TBCK: variants seen among roughly 807,000 people sequenced by gnomAD.
TBCK encodes the protein TBC domain-containing protein kinase-like protein.
TBCK carries 99 observed loss-of-function variants against 113.4 expected under a neutral mutation model. The ratio of observed to expected loss-of-function variants is 0.87; its 90% confidence interval spans 0.74 to 1.03. The LOEUF (loss-of-function observed/expected upper bound fraction) is 1.03. Among genes scored for constraint, TBCK ranks in the 50% least tolerant of loss-of-function variants. The probability of loss-of-function intolerance (pLI) is 0.00; values close to 1 mark genes in which losing one functional copy is unlikely to be tolerated. For missense variants in TBCK, 1,045 were observed against 1,061.3 expected, an observed-to-expected ratio of 0.98 and a Z score of 0.21; for synonymous variants, 369 against 370.8, an observed-to-expected ratio of 1.00 and a Z score of 0.05.
intron 2 of TBCK, among the ~76,000 whole-genome samples, chr4:106,299,301 T>A (rs1433427989): frequency 6.6e-6 from 1 of 152,226 alleles, no homozygotes; most frequent in African/African-American, 2.4e-5. Context: ...GAAAATTACA[T>A]GCCCACGTTA....
intron 3 of TBCK, among the ~76,000 whole-genome samples, chr4:106,274,253 G>A (rs1042925922): frequency 1.3e-5 from 2 of 152,164 alleles, no homozygotes; most frequent in African/African-American, 4.8e-5. Context: ...ATTGCTAGTG[G>A]GATAGTAAGT....
intron 20 of TBCK, among the ~76,000 whole-genome samples, chr4:106,208,799 G>A (rs1755818422): frequency 6.6e-6 from 1 of 152,164 alleles, no homozygotes; most frequent in Admixed American, 6.5e-5. Context: ...TTGGGCTGTG[G>A]ATGTGAGACT....
chr4:106,236,850 G>A, intron 12 of TBCK, 42 bp from the exon 13 acceptor site: 1 of 1,160,246 alleles, frequency 8.6e-7, no homozygotes, highest in Non-Finnish European at 1.2e-6. Flanking sequence ...AAACATATTG[G>A]GCAGAAACCC....
chr4:106,176,666 T>C (rs1260044511), intron 22 of TBCK, among the ~76,000 whole-genome samples: 3 of 152,026 alleles, frequency 2.0e-5, no homozygotes, highest in Non-Finnish European at 4.4e-5. Context: ...CTCTGCGATA[T>C]CCTGATTTCC....
At chr4:106,154,039 A>C (rs1003335085) in intron 23 of TBCK, among the ~76,000 whole-genome samples, 1 of 152,038 alleles carries the variant, frequency 6.6e-6, no homozygotes, top group Non-Finnish European at 1.5e-5. Context: ...CTTTTCATTA[A>C]GGAGTTTATT....
At chr4:106,127,363 G>GTAA (rs1745354348) in intron 23 of TBCK, among the ~76,000 whole-genome samples, 1 of 152,014 alleles carries the variant, frequency 6.6e-6, no homozygotes, top group Admixed American at 6.6e-5. Context: ...ACATTTTGGG[G>GTAA]TAAACAAAGT....
At chr4:106,187,702 C>T (rs1753184770) in intron 22 of TBCK, among the ~76,000 whole-genome samples, 1 of 152,206 alleles carries the variant, frequency 6.6e-6, no homozygotes, top group Non-Finnish European at 1.5e-5. Context: ...GCATGAGCCA[C>T]TGTGCTCAGC....
chr4:106,083,378 T>C (rs2149494747), intron 25 of TBCK, among the ~76,000 whole-genome samples: 1 of 152,304 alleles, frequency 6.6e-6, no homozygotes, highest in East Asian at 1.9e-4. Context: ...GGGCGGGGCT[T>C]CCCTGAACAA....
At chr4:106,240,800 A>T (rs1438853219) in intron 12 of TBCK, among the ~76,000 whole-genome samples, 1 of 152,022 alleles carries the variant, frequency 6.6e-6, no homozygotes, top group Non-Finnish European at 1.5e-5. Flanking sequence ...AGAACAAAAA[A>T]TATGATGGAT....
intron 8 of TBCK, 141 bp from the exon 9 acceptor site, chr4:106,248,447 A>C: frequency 1.7e-6 from 1 of 582,070 alleles, no homozygotes; most frequent in Non-Finnish European, 2.9e-6. Context: ...CACTGTGAAA[A>C]AGCAAATACT....
chr4:106,198,543 A>G (rs1410894871), intron 20 of TBCK, among the ~76,000 whole-genome samples: 1 of 152,028 alleles, frequency 6.6e-6, no homozygotes, highest in East Asian at 1.9e-4. Context: ...AGATTTTTCC[A>G]AGCCTGCCTC....
chr4:106,249,119 G>T, intron 7 of TBCK, 137 bp from the exon 8 acceptor site: 1 of 534,358 alleles, frequency 1.9e-6, no homozygotes, highest in South Asian at 3.5e-5. Context: ...TTATCATTTT[G>T]TTAAATTTCT....
At chr4:106,072,511 C>A (rs1737596724) in intron 25 of TBCK, among the ~76,000 whole-genome samples, 1 of 152,180 alleles carries the variant, frequency 6.6e-6, no homozygotes, top group African/African-American at 2.4e-5. Flanking sequence ...CAATCTTTCT[C>A]TCTGGTGCCT....
intron 3 of TBCK, among the ~76,000 whole-genome samples, chr4:106,262,833 C>T (rs1762629486): frequency 6.6e-6 from 1 of 151,728 alleles, no homozygotes; most frequent in Non-Finnish European, 1.5e-5. Context: ...ATTTTTTTTC[C>T]AATTTGCAAG....
At chr4:106,186,575 G>A (rs1211431210) in intron 22 of TBCK, among the ~76,000 whole-genome samples, 2 of 152,006 alleles carry the variant, frequency 1.3e-5, no homozygotes, top group Non-Finnish European at 2.9e-5. Flanking sequence ...ATTTTTAAAG[G>A]GGTCATTTGT....
At chr4:106,243,706 T>C (rs1306309984) in intron 11 of TBCK, among the ~76,000 whole-genome samples, 1 of 152,172 alleles carries the variant, frequency 6.6e-6, no homozygotes, top group Admixed American at 6.5e-5. Context: ...TATTTTATTT[T>C]GAGACAGGGT....
chr4:106,177,120 C>T (rs1399738595), intron 22 of TBCK, among the ~76,000 whole-genome samples: 1 of 151,860 alleles, frequency 6.6e-6, no homozygotes, highest in Non-Finnish European at 1.5e-5. Flanking sequence ...TACAAGTATA[C>T]ACCATCACAT....
intron 22 of TBCK, among the ~76,000 whole-genome samples, chr4:106,193,120 T>C (rs1011651181): frequency 1.3e-5 from 2 of 152,180 alleles, no homozygotes; most frequent in East Asian, 1.9e-4. Flanking sequence ...TTCTCCTGCA[T>C]TGCATGACAT....
rs570130138 is a variant in TBCK, at chr4:106,043,126, T to A, written c.*3444A>T. On this transcript the variant is annotated 3_prime_UTR_variant, in exon 26 of 26. Coordinates refer to ENST00000394708, the MANE Select transcript of TBCK (RefSeq NM_001163435.3). ...AGCTGTGCCTTTCAGGTCCTTTTCA[T>A]TTCTGACATCAAAAAACTTCTTTCT... The A allele has an allele frequency of 6.6e-6, 1 of 152,348 alleles. No individual in the cohort carries two copies. The highest frequency in any genetic ancestry group is 1.9e-4 in the East Asian group (1 of 5,192). 9.4% of individuals were successfully genotyped at this position (152,348 alleles called of 1,614,324 possible).
Sources: allele counts gnomAD v4.1 joint callset (sites outside exome capture counted in the v4.1 genomes callset), GRCh38; gene constraint gnomAD v4.1.1; transcripts MANE v1.5; gene names NCBI Gene and HGNC (gene_info 2026-07-23, HGNC 2026-07-21).